The following PLAGL1 variants were observed in gnomAD, a reference collection of about 807,000 sequenced individuals.
PLAGL1 encodes zinc finger protein PLAGL1.
In PLAGL1, 1 loss-of-function variant was observed where a neutral mutation model predicts 4.6. The observed-to-expected ratio is 0.22, with a 90% CI of 0.08 to 1.03. PLAGL1 has a LOEUF of 1.03. Among genes scored for constraint, PLAGL1 ranks in the 50% least tolerant of loss-of-function variants. The probability of loss-of-function intolerance (pLI) is 0.58; values close to 1 mark genes in which losing one functional copy is unlikely to be tolerated. For missense variants in PLAGL1, 464 were observed against 570.4 expected, an observed-to-expected ratio of 0.81 and a Z score of 1.90; for synonymous variants, 240 against 237.8, an observed-to-expected ratio of 1.01 and a Z score of -0.08.
In PLAGL1 at chr6:143,975,158, A is replaced by G. The variant is rs1338698227; in HGVS notation, c.-543-6180T>C. 1.3e-5 allele frequency among the ~76,000 whole-genome samples: 2 copies of G among 152,218 alleles called. No individual in the cohort carries two copies. The highest frequency in any genetic ancestry group is 4.8e-5 in the African/African-American group (2 of 41,458). On this transcript the variant is annotated intron_variant, in intron 2 of 7. Transcript: ENST00000674357. The surrounding 1 kb of genome is among the most constrained non-coding windows in gnomAD (Gnocchi z 5.8). Reference sequence around the variant, plus strand: ...TTCAAGTATTCTATCTTTGAGTCTCATGCTGTTTCCATTACACCAGCTACC... The same window carrying G: ...TTCAAGTATTCTATCTTTGAGTCTCGTGCTGTTTCCATTACACCAGCTACC...
In PLAGL1 at chr6:143,968,024, T is replaced by C. The variant is rs1307354720; in HGVS notation, c.-472+883A>G. On this transcript the variant is annotated intron_variant, in intron 3 of 7. Coordinates refer to ENST00000674357, the MANE Select transcript of PLAGL1 (RefSeq NM_001317162.2). This position sits in a 1 kb window ranked among gnomAD's most constrained non-coding sequence, Gnocchi z 6.3. ...AAAAAAAAAAAAAAAAAAAACAGTC[T>C]GGAGAGAGGCCAAGAGTTATGGTTA... 1 of 131,724 alleles carries C rather than the reference T, an allele frequency of 7.6e-6. No homozygotes were observed. The highest frequency in any genetic ancestry group is 1.6e-5 in the Non-Finnish European group (1 of 61,166). The allele number at this position is 131,724 out of a possible 1,614,324, so 8.2% of individuals were successfully genotyped here. A position where few individuals can be genotyped will look rare whatever the true frequency, so the allele number is the denominator to read the frequency against.
intron 1 of PLAGL1, among the ~76,000 whole-genome samples, chr6:143,987,286 C>T (rs915415764): frequency 1.3e-5 from 2 of 151,854 alleles, no homozygotes; most frequent in African/African-American, 4.8e-5. Context: ...TTCACTGCAA[C>T]CTTGATCTCG....
At position 143,948,693 on chromosome 6, in the gene PLAGL1, A is replaced by G. The variant is rs1780327822; in HGVS notation, c.-324-233T>C. 6.6e-6 allele frequency among the ~76,000 whole-genome samples: 1 copy of G among 152,022 alleles called. No homozygotes were observed. Among genetic ancestry groups the G allele is most frequent in the South Asian group, 2.1e-4 (1 of 4,802 alleles). On this transcript the variant is annotated intron_variant, in intron 6 of 7. Transcript: ENST00000674357. The surrounding 1 kb of genome is among the most constrained non-coding windows in gnomAD (Gnocchi z 6.0). ...AGTGGAGCACACTTTCCCTCTGGTA[A>G]GGAGAGTTCTTTCCACGGATCCAGT... is the stretch of plus-strand genomic sequence containing the variant.
intron 1 of PLAGL1, among the ~76,000 whole-genome samples, chr6:144,062,778 G>A (rs557137148): frequency 6.6e-6 from 1 of 152,184 alleles, no homozygotes; most frequent in African/African-American, 2.4e-5. Context: ...AAGAATGCCC[G>A]GTACATGAAG....
intron 1 of PLAGL1, among the ~76,000 whole-genome samples, chr6:144,020,836 TAATA>T (rs1013285755): frequency 1.4e-5 from 2 of 145,850 alleles, no homozygotes; most frequent in Middle Eastern, 3.6e-3. Flanking sequence ...ATATATAATA[TAATA>T]TATATAAAAT....
In PLAGL1 at chr6:143,948,119, G is replaced by A; in HGVS notation, c.18C>T (p.Cys6=). Residue 6 remains cysteine (C), a synonymous_variant, in exon 7 of 8, where the codon TGC becomes TGT. Transcript: ENST00000674357. This position sits in a 1 kb window ranked among gnomAD's most constrained non-coding sequence, Gnocchi z 6.0. Reference sequence around the variant, plus strand: ...TGAGGAACGTCTTGCCACATAACTGGCAGGGGAACGTGGCCATGGGCTTTG... The same window carrying A: ...TGAGGAACGTCTTGCCACATAACTGACAGGGGAACGTGGCCATGGGCTTTG... MATFP[C]QLCGKTFLTL... 6.2e-7 allele frequency: 1 copy of A among 1,613,576 alleles called. No individual in the cohort carries two copies. The highest frequency in any genetic ancestry group is 8.5e-7 in the Non-Finnish European group (1 of 1,179,818).
In PLAGL1 at chr6:144,015,595, A is replaced by G. The variant is rs940776840; in HGVS notation, c.-150-46617T>C. Among the ~76,000 whole-genome samples, 1 of 152,258 alleles carries G rather than the reference A, an allele frequency of 6.6e-6. No homozygotes were observed. Reference sequence around the variant, plus strand: ...AATAAACAATACACTTCACTAAATAAGACATGTGAAGGGCCAAGAAGTCCA... The same window carrying G: ...AATAAACAATACACTTCACTAAATAGGACATGTGAAGGGCCAAGAAGTCCA... On this transcript the variant is annotated intron_variant, in intron 1 of 3. Coordinates refer to the PLAGL1 transcript ENST00000437412. This position sits in a 1 kb window ranked among gnomAD's most constrained non-coding sequence, Gnocchi z 4.3.
intron 1 of PLAGL1, among the ~76,000 whole-genome samples, chr6:144,030,375 G>T (rs577626379): frequency 6.6e-6 from 1 of 151,844 alleles, no homozygotes; most frequent in East Asian, 1.9e-4. Context: ...AGGTTTTTGG[G>T]GAGCAGGTGG....
intron 1 of PLAGL1, among the ~76,000 whole-genome samples, chr6:144,057,516 G>A (rs1484203613): frequency 6.6e-6 from 1 of 152,224 alleles, no homozygotes; most frequent in African/African-American, 2.4e-5. Flanking sequence ...ACTGCATACA[G>A]TGCTCCAGAG....
At chr6:144,038,040 T>C (rs35465184) in intron 1 of PLAGL1, among the ~76,000 whole-genome samples, 25,769 of 152,170 alleles carry the variant, frequency 0.17, 2,534 homozygotes, top group Middle Eastern at 0.23. Flanking sequence ...GTGGGAACAA[T>C]ATCAAGTTGT....
intron 2 of PLAGL1, among the ~76,000 whole-genome samples, chr6:143,981,307 C>A (rs575777362): frequency 1.1e-3 from 160 of 152,276 alleles, no homozygotes; most frequent in Non-Finnish European, 2.0e-3. Flanking sequence ...CTACTTTCTT[C>A]TTCCCAGTGC....
In PLAGL1 at chr6:144,061,828, G is replaced by A. The variant is rs1799434078; in HGVS notation, c.-151+2640C>T. On this transcript the variant is annotated intron_variant, in intron 1 of 3. Transcript: ENST00000437412. The surrounding 1 kb of genome is among the most constrained non-coding windows in gnomAD (Gnocchi z 4.4). ...TATTCCTTTTTTTAATTCCTCTTAC[G>A]ATTTTCCTTTTGTGCACTTCTCCTC... Among the ~76,000 whole-genome samples, 3 of 151,386 alleles carry A rather than the reference G, an allele frequency of 2.0e-5. No individual in the cohort carries two copies. The highest frequency in any genetic ancestry group is 2.1e-4 in the South Asian group (1 of 4,804).
chr6:144,045,696 G>T (rs1318236455), intron 1 of PLAGL1, among the ~76,000 whole-genome samples: 1 of 152,118 alleles, frequency 6.6e-6, no homozygotes, highest in African/African-American at 2.4e-5. Context: ...GAGTATCTTT[G>T]TGGTGTTCTC....
intron 1 of PLAGL1, among the ~76,000 whole-genome samples, chr6:143,988,760 C>G (rs939294027): frequency 3.3e-5 from 5 of 152,138 alleles, no homozygotes; most frequent in Non-Finnish European, 5.9e-5. Flanking sequence ...ACTGCTGGCT[C>G]TCCTATCCTC....
chr6:144,057,767 C>A (rs902823664), intron 1 of PLAGL1, among the ~76,000 whole-genome samples: 1 of 139,426 alleles, frequency 7.2e-6, no homozygotes, highest in African/African-American at 2.7e-5. Context: ...CACACCACCA[C>A]GCCTCACCAT....
chr6:144,034,995 G>A lies in PLAGL1; in HGVS notation c.-151+29473C>T, dbSNP rs1198111241. Among the ~76,000 whole-genome samples, 2 of 152,178 alleles carry A rather than the reference G, an allele frequency of 1.3e-5. No individual in the cohort carries two copies. Among genetic ancestry groups the A allele is most frequent in the African/African-American group, 4.8e-5 (2 of 41,436 alleles). Reference sequence around the variant, plus strand: ...ATGGGTATGTAATACATTGAGAACAGTTAAATGTTAATGATAGAATCTAGT... The same window carrying A: ...ATGGGTATGTAATACATTGAGAACAATTAAATGTTAATGATAGAATCTAGT... On this transcript the variant is annotated intron_variant, in intron 1 of 3. Coordinates refer to the PLAGL1 transcript ENST00000437412. This position sits in a 1 kb window ranked among gnomAD's most constrained non-coding sequence, Gnocchi z 4.7.
rs566587179 is a variant in PLAGL1 at position 143,990,355 on chromosome 6, G to A, written c.-583-5181C>T. 4.6e-5 allele frequency among the ~76,000 whole-genome samples: 7 copies of A among 152,218 alleles called. No homozygotes were observed. The highest frequency in any genetic ancestry group is 2.1e-4 in the South Asian group (1 of 4,822). On this transcript the variant is annotated intron_variant, in intron 1 of 7. Coordinates refer to ENST00000674357, the MANE Select transcript of PLAGL1 (RefSeq NM_001317162.2). This position sits in a 1 kb window ranked among gnomAD's most constrained non-coding sequence, Gnocchi z 5.4. ...AGGATGGTCTCCATCCCCTGACCTC[G>A]GGATCCGCCCGCCTTGGCCTCCCAA...
In PLAGL1 at chr6:143,950,640, G is replaced by A. The variant is rs951951796; in HGVS notation, c.-324-2180C>T. On this transcript the variant is annotated intron_variant, in intron 6 of 7. Transcript: ENST00000674357. This position sits in a 1 kb window ranked among gnomAD's most constrained non-coding sequence, Gnocchi z 6.3. ...TATAGCTGAACTCAAAATAGCACTC[G>A]TCCCACTCGCCCCTTCAGAGAAGGA... Among the ~76,000 whole-genome samples the A allele has an allele frequency of 5.3e-5, 8 of 152,080 alleles. No individual in the cohort carries two copies. Among genetic ancestry groups the A allele is most frequent in the Admixed American group, 2.0e-4 (3 of 15,272 alleles).
In PLAGL1 at chr6:143,973,479, G is replaced by A. The variant is rs1248320769; in HGVS notation, c.-543-4501C>T. 1.3e-5 allele frequency among the ~76,000 whole-genome samples: 2 copies of A among 152,092 alleles called. No individual in the cohort carries two copies. The highest frequency in any genetic ancestry group is 1.9e-4 in the East Asian group (1 of 5,198). ...AAGGTCAGAGGGAGAAAACAAGCAC[G>A]GGGGGAAGTCCTCTGCTTCTAGGGC... On this transcript the variant is annotated intron_variant, in intron 2 of 7. Transcript: ENST00000674357. This position sits in a 1 kb window ranked among gnomAD's most constrained non-coding sequence, Gnocchi z 6.2.
Sources: allele counts gnomAD v4.1 joint callset (sites outside exome capture counted in the v4.1 genomes callset), GRCh38; gene constraint gnomAD v4.1.1; non-coding constraint Gnocchi (gnomAD v3.1); transcripts MANE v1.5; gene names NCBI Gene and HGNC (gene_info 2026-07-23, HGNC 2026-07-21).